The following NRCAM variants were observed in gnomAD, a reference collection of about 807,000 sequenced individuals.
NRCAM encodes the protein NgCAM-related cell adhesion molecule.
NRCAM carries 83 observed loss-of-function variants against 156.5 expected under a neutral mutation model. The observed-to-expected ratio is 0.53, with a 90% CI of 0.44 to 0.64. The LOEUF (loss-of-function observed/expected upper bound fraction) is 0.64. Ranked by LOEUF, NRCAM falls within the 30% of genes least tolerant of loss-of-function variation. The probability of loss-of-function intolerance (pLI) is 0.00; values close to 1 mark genes in which losing one functional copy is unlikely to be tolerated. For missense variants in NRCAM, 1,417 were observed against 1,597.3 expected, an observed-to-expected ratio of 0.89 and a Z score of 1.92; for synonymous variants, 538 against 563.9, an observed-to-expected ratio of 0.95 and a Z score of 0.65.
At chr7:108,280,222 C>T (rs1029360432) in intron 3 of NRCAM, among the ~76,000 whole-genome samples, 12 of 152,240 alleles carry the variant, frequency 7.9e-5, no homozygotes, top group African/African-American at 2.7e-4. Flanking sequence ...TTCTTCCCAA[C>T]AGGCGAATGA....
chr7:108,161,977 C>A (rs1280729008), intron 30 of NRCAM, among the ~76,000 whole-genome samples: 2 of 152,210 alleles, frequency 1.3e-5, no homozygotes, highest in African/African-American at 4.8e-5. Flanking sequence ...ATACCATAGT[C>A]ATGATGATGA....
At chr7:108,246,227 C>T (rs939299002) in intron 3 of NRCAM, among the ~76,000 whole-genome samples, 3 of 152,166 alleles carry the variant, frequency 2.0e-5, no homozygotes, top group African/African-American at 7.2e-5. Context: ...ACTCTGAATG[C>T]CTGCCATGCT....
intron 2 of NRCAM, among the ~76,000 whole-genome samples, chr7:108,331,615 C>G (rs2300025): frequency 6.6e-6 from 1 of 151,908 alleles, no homozygotes; most frequent in Non-Finnish European, 1.5e-5. Flanking sequence ...AATTACTTAC[C>G]TCAGTGCCTG....
chr7:108,211,111 G>A (rs1402122552), intron 11 of NRCAM, among the ~76,000 whole-genome samples: 3 of 152,236 alleles, frequency 2.0e-5, no homozygotes, highest in Non-Finnish European at 2.9e-5. Context: ...AATACTGTGA[G>A]TGCCCAAACT....
At chr7:108,278,635 A>T (rs12667131) in intron 3 of NRCAM, among the ~76,000 whole-genome samples, 3 of 152,168 alleles carry the variant, frequency 2.0e-5, no homozygotes, top group Non-Finnish European at 2.9e-5. Context: ...GGGCAGGAGC[A>T]TACCGTTCCT....
intron 1 of NRCAM, among the ~76,000 whole-genome samples, chr7:108,415,592 GAGA>G (rs1015886846): frequency 8.5e-5 from 13 of 152,140 alleles, no homozygotes; most frequent in African/African-American, 1.9e-4. Context: ...CCATAAAAAG[GAGA>G]AGAAGGCCGG....
intron 3 of NRCAM, among the ~76,000 whole-genome samples, chr7:108,303,840 A>G (rs1297302519): frequency 5.3e-5 from 8 of 152,106 alleles, no homozygotes; most frequent in Admixed American, 4.6e-4. Context: ...TTACCTTTAT[A>G]TCACTATTAC....
chr7:108,389,734 A>T lies in NRCAM; in HGVS notation c.-174+9702T>A, dbSNP rs566737559. On this transcript the variant is annotated intron_variant, in intron 2 of 32. Coordinates refer to ENST00000379028, the MANE Select transcript of NRCAM (RefSeq NM_001037132.4). ...TATTAATTTGAGATATGTCCCAACA[A>T]TATCTAATTTATTGAGAGTTTTTGG... Among the ~76,000 whole-genome samples, 43 of 152,316 alleles carry T rather than the reference A, an allele frequency of 2.8e-4. 1 individual carries two copies. The highest frequency in any genetic ancestry group is 1.0e-3 in the African/African-American group (42 of 41,570).
At chr7:108,256,652 C>A (rs576498363) in intron 3 of NRCAM, among the ~76,000 whole-genome samples, 16 of 152,108 alleles carry the variant, frequency 1.1e-4, no homozygotes, top group South Asian at 8.3e-4. Flanking sequence ...ACAAAAAAAA[C>A]AACTATGCTG....
At chr7:108,153,385 ACT>A (rs2042914554) in intron 32 of NRCAM, among the ~76,000 whole-genome samples, 1 of 151,762 alleles carries the variant, frequency 6.6e-6, no homozygotes, top group Non-Finnish European at 1.5e-5. Flanking sequence ...ATATGAAAAA[ACT>A]CAACACCCAT....
intron 2 of NRCAM, among the ~76,000 whole-genome samples, chr7:108,393,725 C>T (rs545361141): frequency 1.2e-4 from 19 of 152,242 alleles, no homozygotes; most frequent in African/African-American, 4.3e-4. Flanking sequence ...ATCTTGGAAC[C>T]CTCCCCCGTT....
At chr7:108,218,451 T>C (rs1214886262) in intron 11 of NRCAM, among the ~76,000 whole-genome samples, 9 of 152,144 alleles carry the variant, frequency 5.9e-5, no homozygotes, top group African/African-American at 1.2e-4. Flanking sequence ...ATGGACCATA[T>C]GATAGGCCAC....
chr7:108,438,415 T>C (rs924140141), intron 1 of NRCAM, among the ~76,000 whole-genome samples: 1 of 152,172 alleles, frequency 6.6e-6, no homozygotes, highest in African/African-American at 2.4e-5. Flanking sequence ...AATCACATTA[T>C]AGTTTTAAAA....
chr7:108,362,359 G>T (rs1174022944), intron 2 of NRCAM, among the ~76,000 whole-genome samples: 1 of 152,084 alleles, frequency 6.6e-6, no homozygotes, highest in Admixed American at 6.6e-5. Flanking sequence ...CACCCTGAGG[G>T]TTCAGATTTC....
intron 3 of NRCAM, among the ~76,000 whole-genome samples, chr7:108,277,230 G>A (rs1468261053): frequency 2.0e-5 from 3 of 151,972 alleles, no homozygotes; most frequent in African/African-American, 4.8e-5. Context: ...TGCTCTTCTC[G>A]AGGTGTATCT....
chr7:108,159,638 T>G, intron 31 of NRCAM, 97 bp from the exon 32 acceptor site: 1 of 858,464 alleles, frequency 1.2e-6, no homozygotes, highest in South Asian at 1.4e-5. Flanking sequence ...CAGTGAAAAA[T>G]AATTCCATAC....
At chr7:108,221,218 G>A (rs191546025) in intron 11 of NRCAM, among the ~76,000 whole-genome samples, 14 of 152,244 alleles carry the variant, frequency 9.2e-5, no homozygotes, top group Admixed American at 2.0e-4. Flanking sequence ...GCATGGATGC[G>A]GTTATCAGGG....
At chr7:108,189,502 C>T (rs1039812599) in intron 20 of NRCAM, 143 bp downstream of exon 20, 25 of 597,042 alleles carry the variant, frequency 4.2e-5, no homozygotes, top group Middle Eastern at 2.5e-4. Context: ...AGAGGAAGGA[C>T]ATAAATAAAT....
intron 2 of NRCAM, among the ~76,000 whole-genome samples, chr7:108,337,796 A>G (rs2099217877): frequency 6.6e-6 from 1 of 152,114 alleles, no homozygotes; most frequent in South Asian, 2.1e-4. Context: ...GCCCGCCACC[A>G]TCTTGGGAGC....
Sources: allele counts gnomAD v4.1 joint callset (sites outside exome capture counted in the v4.1 genomes callset), GRCh38; gene constraint gnomAD v4.1.1; transcripts MANE v1.5; gene names NCBI Gene and HGNC (gene_info 2026-07-23, HGNC 2026-07-21).